PSD3: variants seen among roughly 807,000 people sequenced by gnomAD.
PSD3 encodes the protein pleckstrin and Sec7 domain containing 3, also known as PH and SEC7 domain-containing protein 3.
Under a neutral mutation model 105.5 loss-of-function variants are expected in PSD3, and 49 were observed. The observed-to-expected ratio is 0.46, with a 90% CI of 0.37 to 0.59. The LOEUF is 0.59. Ranked by LOEUF, PSD3 falls within the 20% of genes least tolerant of loss-of-function variation. PSD3 has a pLI of 0.00. For missense variants in PSD3, 1,561 were observed against 1,263.8 expected, an observed-to-expected ratio of 1.24 and a Z score of -3.57; for synonymous variants, 557 against 457.8, an observed-to-expected ratio of 1.22 and a Z score of -2.77.
In PSD3 at chr8:19,047,064, C is replaced by T. The variant is rs183307136; in HGVS notation, c.324+37142G>A. 6.1e-4 allele frequency among the ~76,000 whole-genome samples: 92 copies of T among 150,702 alleles called. 1 individual carries two copies. In the South Asian group the frequency reaches 0.013, roughly 21 times the overall value. ...TCCTCTGCATATCCCACTCCCTCTC[C>T]GGGGCTCGTTGCCAGCAGGCCTCTT... On this transcript the variant is annotated intron_variant, in intron 1 of 1. Transcript: ENST00000521475.
intron 9 of PSD3, among the ~76,000 whole-genome samples, chr8:18,756,130 T>C (rs913628356): frequency 6.6e-6 from 1 of 152,194 alleles, no homozygotes; most frequent in African/African-American, 2.4e-5. Flanking sequence ...CCAAGCCCTC[T>C]TCCTCCATGG....
intron 1 of PSD3, among the ~76,000 whole-genome samples, chr8:18,977,718 G>T (rs530886310): frequency 6.6e-5 from 10 of 152,114 alleles, no homozygotes; most frequent in Non-Finnish European, 1.5e-4. Flanking sequence ...GTAAATAAGT[G>T]TACATTAAAA....
intron 4 of PSD3, among the ~76,000 whole-genome samples, chr8:18,836,702 T>G (rs1814137439): frequency 1.3e-5 from 2 of 152,180 alleles, no homozygotes; most frequent in Non-Finnish European, 2.9e-5. Context: ...TCTGGTACAC[T>G]TTAAATCATC....
intron 8 of PSD3, among the ~76,000 whole-genome samples, chr8:18,781,047 T>C (rs1563259460): frequency 6.6e-6 from 1 of 152,142 alleles, no homozygotes; most frequent in Non-Finnish European, 1.5e-5. Context: ...GGCTGACAGT[T>C]GTGTTTTTTT....
chr8:18,801,511 C>T (rs1563286041), intron 6 of PSD3, 129 bp from the exon 7 acceptor site: 2 of 553,030 alleles, frequency 3.6e-6, no homozygotes, highest in Non-Finnish European at 3.2e-6. Flanking sequence ...GAAGTTATCT[C>T]CCCCCAAAAA....
At chr8:19,030,748 C>A (rs749777578) in intron 1 of PSD3, among the ~76,000 whole-genome samples, 6 of 152,084 alleles carry the variant, frequency 3.9e-5, no homozygotes, top group Non-Finnish European at 7.4e-5. Flanking sequence ...CTGTCCATCC[C>A]CGTATCAACT....
chr8:18,684,245 CA>C lies in PSD3; in HGVS notation c.2173-28561del, dbSNP rs1563169371. The stretch of plus-strand genomic sequence containing the variant: ...ACACACACACACACACACACACACA[CA>C]CACACCCCATCATATTCACACACTG... On this transcript the variant is annotated intron_variant, in intron 9 of 15. Coordinates refer to ENST00000327040, the MANE Select transcript of PSD3 (RefSeq NM_015310.4). 108 of 204,894 alleles carry C rather than the reference CA, an allele frequency of 5.3e-4. 1 individual carries two copies. The highest frequency in any genetic ancestry group is 1.9e-3 in the South Asian group (13 of 6,848). 12.7% of individuals were successfully genotyped at this position (204,894 alleles called of 1,614,324 possible). A position where few individuals can be genotyped will look rare whatever the true frequency, so the allele number is the denominator to read the frequency against.
intron 9 of PSD3, among the ~76,000 whole-genome samples, chr8:18,716,853 C>A (rs540683143): frequency 8.5e-5 from 13 of 152,274 alleles, no homozygotes; most frequent in African/African-American, 3.1e-4. Flanking sequence ...TAATATTTCT[C>A]AATCTATAAC....
intron 11 of PSD3, among the ~76,000 whole-genome samples, chr8:18,617,785 C>G (rs1301298584): frequency 1.3e-5 from 2 of 152,160 alleles, no homozygotes; most frequent in Admixed American, 1.3e-4. Context: ...ACAAAACAGA[C>G]TCTTAGTAGC....
chr8:18,883,769 G>A lies in PSD3; in HGVS notation c.131-11036C>T, dbSNP rs79391378. Among the ~76,000 whole-genome samples the A allele has an allele frequency of 4.7e-3, 723 of 152,272 alleles. 7 individuals are homozygous for A. Among genetic ancestry groups the A allele is most frequent in the African/African-American group, 0.017 (687 of 41,564 alleles). ...AGTCTGATAAGATACTATGGAGAAT[G>A]CACTAAGGGTCTTATAATCTATTTC... On this transcript the variant is annotated intron_variant, in intron 2 of 15. Transcript: ENST00000327040.
At chr8:18,638,141 C>T (rs139479045) in intron 10 of PSD3, among the ~76,000 whole-genome samples, 1,955 of 132,820 alleles carry the variant, frequency 0.015, 20 homozygotes, top group African/African-American at 0.022. Context: ...GGCGACAGAG[C>T]GAGATTCCAT....
chr8:18,774,032 A>G (rs1256335056), intron 8 of PSD3, among the ~76,000 whole-genome samples: 1 of 152,198 alleles, frequency 6.6e-6, no homozygotes, highest in Non-Finnish European at 1.5e-5. Flanking sequence ...GCTAGTATAT[A>G]GCAATGCAAT....
chr8:18,801,430 T>C (rs1440255371), intron 6 of PSD3, 48 bp from the exon 7 acceptor site: 1 of 1,026,388 alleles, frequency 9.7e-7, no homozygotes, highest in Non-Finnish European at 1.5e-6. Context: ...GAAAATGCTA[T>C]CACACTCTTT....
At chr8:19,030,137 G>A (rs1000838503) in intron 1 of PSD3, among the ~76,000 whole-genome samples, 2 of 152,142 alleles carry the variant, frequency 1.3e-5, no homozygotes. Flanking sequence ...AGTTGAAGAA[G>A]TTCCTGTCCA....
At chr8:19,074,608 TA>T (rs1345309825) in intron 1 of PSD3, among the ~76,000 whole-genome samples, 40 of 13,234 alleles carry the variant, frequency 3.0e-3, no homozygotes, top group African/African-American at 5.3e-3. Context: ...TATATATATA[TA>T]TATTTTTTTT....
intron 9 of PSD3, among the ~76,000 whole-genome samples, chr8:18,750,110 T>A (rs1318451582): frequency 6.6e-6 from 1 of 152,150 alleles, no homozygotes; most frequent in Non-Finnish European, 1.5e-5. Context: ...GACAGCAATA[T>A]AAAACTAACA....
At chr8:19,078,252 A>G (rs1829523862) in intron 1 of PSD3, among the ~76,000 whole-genome samples, 1 of 152,164 alleles carries the variant, frequency 6.6e-6, no homozygotes, top group Admixed American at 6.5e-5. Flanking sequence ...CCTGTAGCAG[A>G]TTGTGGAAGC....
At chr8:18,840,785 G>A (rs7827258) in intron 4 of PSD3, among the ~76,000 whole-genome samples, 1 of 151,918 alleles carries the variant, frequency 6.6e-6, no homozygotes, top group Non-Finnish European at 1.5e-5. Flanking sequence ...CAGATTCACA[G>A]ACAGCAGTCA....
At chr8:18,901,263 A>T (rs1482418226) in intron 2 of PSD3, among the ~76,000 whole-genome samples, 1 of 152,190 alleles carries the variant, frequency 6.6e-6, no homozygotes, top group Non-Finnish European at 1.5e-5. Flanking sequence ...TATTGTTTAA[A>T]ATATTTGAAT....
Sources: gnomAD v4.1 joint callset for allele counts (sites outside exome capture counted in the v4.1 genomes callset) on GRCh38, gnomAD v4.1.1 for gene constraint, MANE v1.5 for transcripts, NCBI Gene and HGNC (gene_info 2026-07-23, HGNC 2026-07-21) for gene names.